Variants in IKZF1 observed in about 807,000 individuals in gnomAD.
The protein encoded by IKZF1 is DNA-binding protein Ikaros.
Under a neutral mutation model 51.7 loss-of-function variants are expected in IKZF1, and 10 were observed. That is an observed-to-expected ratio of 0.19 (90% CI 0.12 to 0.33). The LOEUF (loss-of-function observed/expected upper bound fraction) is 0.33. Ranked by LOEUF, IKZF1 falls within the 10% of genes least tolerant of loss-of-function variation. The pLI is 1.00. For missense variants in IKZF1, 484 were observed against 707.5 expected (o/e 0.68, Z 3.58); for synonymous variants, 280 against 282.3 (o/e 0.99, Z 0.08).
chr7:50,379,429 A>C (rs760100350), intron 4 of IKZF1, among the ~76,000 whole-genome samples: 28 of 152,166 alleles, frequency 1.8e-4, no homozygotes, highest in Admixed American at 5.2e-4. Context: ...GCCATTTTCT[A>C]ATCAGCTCAT....
At chr7:50,379,081 A>T (rs975636019) in intron 4 of IKZF1, among the ~76,000 whole-genome samples, 1 of 152,236 alleles carries the variant, frequency 6.6e-6, no homozygotes, top group African/African-American at 2.4e-5. Context: ...AAATCACCTG[A>T]GATCTCGTGA....
At chr7:50,361,590 A>G (rs775081425) in intron 3 of IKZF1, among the ~76,000 whole-genome samples, 2 of 152,154 alleles carry the variant, frequency 1.3e-5, no homozygotes. Context: ...TTTAAAAGCT[A>G]ATCCTGGCCA....
chr7:50,344,067 C>T (rs1799751930), intron 3 of IKZF1, among the ~76,000 whole-genome samples: 1 of 152,134 alleles, frequency 6.6e-6, no homozygotes, highest in Non-Finnish European at 1.5e-5. Context: ...AAGGTGAGCC[C>T]AGCTTGTTGT....
In IKZF1 at chr7:50,391,808, C is replaced by G; in HGVS notation, c.795C>G (p.Asp265Glu). 1 of 1,613,956 alleles carries G rather than the reference C, an allele frequency of 6.2e-7. No homozygotes were observed. Among genetic ancestry groups the G allele is most frequent in the Non-Finnish European group, 8.5e-7 (1 of 1,179,888 alleles). ...GATCAGAGAGATCTCTCGTGCTGGA[C>G]AGACTAGCAAGTAACGTCGCCAAAC... Reference protein sequence around the residue: ...KIGSERSLVLDRLASNVAKRK... With the variant: ...KIGSERSLVLERLASNVAKRK... The change falls in exon 7 of 8, where the codon GAC (aspartate) becomes GAG (glutamate). Residue 265 changes from aspartate to glutamate, a missense_variant. Transcript: ENST00000331340.
chr7:50,346,889 C>T (rs555051447), intron 3 of IKZF1, among the ~76,000 whole-genome samples: 57 of 152,296 alleles, frequency 3.7e-4, no homozygotes, highest in African/African-American at 1.3e-3. Flanking sequence ...GGAATAACAC[C>T]TTCCTTGCTC....
At chr7:50,396,518 A>G in intron 7 of IKZF1, among the ~76,000 whole-genome samples, 1 of 152,154 alleles carries the variant, frequency 6.6e-6, no homozygotes, top group East Asian at 1.9e-4. Flanking sequence ...TCTTGTTGGA[A>G]TTAACGATTT....
chr7:50,335,377 G>A (rs1797438768), intron 3 of IKZF1, among the ~76,000 whole-genome samples: 2 of 146,644 alleles, frequency 1.4e-5, no homozygotes, highest in African/African-American at 2.5e-5. Context: ...TGTGGTGTGT[G>A]GTGTGTATGT....
In IKZF1 at chr7:50,403,532, C is replaced by A. The variant is rs1332799085; in HGVS notation, c.*2905C>A. 1 of 229,594 alleles carries A rather than the reference C, an allele frequency of 4.4e-6. No homozygotes were observed. The highest frequency in any genetic ancestry group is 2.2e-5 in the African/African-American group (1 of 45,124). 14.2% of individuals were successfully genotyped at this position (229,594 alleles called of 1,614,324 possible). On this transcript the variant is annotated 3_prime_UTR_variant, in exon 8 of 8. Transcript: ENST00000331340. Reference sequence around the variant, plus strand: ...CGCCCCCTCCCTGACACCCCAGCTTCCCAGGATGTGGAAAGCCTGGATCTC... The same window carrying A: ...CGCCCCCTCCCTGACACCCCAGCTTACCAGGATGTGGAAAGCCTGGATCTC...
intron 3 of IKZF1, among the ~76,000 whole-genome samples, chr7:50,337,834 C>T (rs1464180964): frequency 1.3e-5 from 2 of 152,132 alleles, no homozygotes; most frequent in Admixed American, 6.5e-5. Context: ...GACTGTCCCT[C>T]CCATTGCAGG....
At chr7:50,372,244 A>G (rs1808906254) in intron 3 of IKZF1, among the ~76,000 whole-genome samples, 1 of 152,140 alleles carries the variant, frequency 6.6e-6, no homozygotes. Flanking sequence ...CCCACTTTGC[A>G]TTTTTCCGCA....
chr7:50,372,222 A>G (rs1808897859), intron 3 of IKZF1, among the ~76,000 whole-genome samples: 1 of 152,170 alleles, frequency 6.6e-6, no homozygotes, highest in Non-Finnish European at 1.5e-5. Flanking sequence ...GATCTTGTCT[A>G]TGTAACCAGC....
At chr7:50,374,972 G>T (rs1009653477) in intron 3 of IKZF1, among the ~76,000 whole-genome samples, 1 of 151,940 alleles carries the variant, frequency 6.6e-6, no homozygotes, top group African/African-American at 2.4e-5. Flanking sequence ...TCTTCTGGAG[G>T]GTATGTTAAA....
chr7:50,400,639 G>T lies in IKZF1; in HGVS notation c.*12G>T, dbSNP rs760005950. Reference sequence around the variant, plus strand: ...TCCACATGAGCTAAAGCCCTCCCGCGCCCCCACCCCAGACCCCGAGCCACC... The same window carrying T: ...TCCACATGAGCTAAAGCCCTCCCGCTCCCCCACCCCAGACCCCGAGCCACC... On this transcript the variant is annotated 3_prime_UTR_variant, in exon 8 of 8. Transcript: ENST00000331340. The surrounding 1 kb of genome is among the most constrained non-coding windows in gnomAD (Gnocchi z 5.4). 2 of 1,598,242 alleles carry T rather than the reference G, an allele frequency of 1.3e-6. No individual in the cohort carries two copies. The highest frequency in any genetic ancestry group is 1.7e-5 in the Admixed American group (1 of 59,072).
At chr7:50,334,566 G>T (rs2153401640) in intron 3 of IKZF1, among the ~76,000 whole-genome samples, 1 of 151,336 alleles carries the variant, frequency 6.6e-6, no homozygotes, top group African/African-American at 2.4e-5. Flanking sequence ...ATGTATATGG[G>T]GTGTGTATGT....
At position 50,376,510 on chromosome 7, in the gene IKZF1, G is replaced by T. The variant is rs1328958337; in HGVS notation, c.161-23G>T. On this transcript the variant is annotated intron_variant, in intron 3 of 7. Coordinates refer to ENST00000331340, the MANE Select transcript of IKZF1 (RefSeq NM_006060.6). This position sits in a 1 kb window ranked among gnomAD's most constrained non-coding sequence, Gnocchi z 4.5. ...TTTTTTTTTGCAATGACACTGAGTGGCCTCCTGTATTGTTTCTTTCAGCCA... is the reference window on the plus strand; with the variant it reads ...TTTTTTTTTGCAATGACACTGAGTGTCCTCCTGTATTGTTTCTTTCAGCCA... The T allele has an allele frequency of 1.9e-6, 3 of 1,608,724 alleles. No individual in the cohort carries two copies. Among genetic ancestry groups the T allele is most frequent in the Non-Finnish European group, 2.5e-6 (3 of 1,176,480 alleles).
At chr7:50,346,264 T>C (rs887858617) in intron 3 of IKZF1, among the ~76,000 whole-genome samples, 1 of 152,198 alleles carries the variant, frequency 6.6e-6, no homozygotes, top group Admixed American at 6.5e-5. Context: ...GCATAAGTTC[T>C]TCCTAAGCAT....
At chr7:50,389,046 A>G (rs533596723) in intron 6 of IKZF1, among the ~76,000 whole-genome samples, 12 of 152,380 alleles carry the variant, frequency 7.9e-5, no homozygotes, top group Admixed American at 5.9e-4. Context: ...TTTCATTACT[A>G]AAGAAACAAG....
chr7:50,400,334 C>T lies in IKZF1; in HGVS notation c.1267C>T (p.Arg423Cys), dbSNP rs757907717. ...GACCAACCACATCGCCCCGCACGCG[C>T]GCAACGGGCTGTCGCTCAAGGAGGA... The part of the protein sequence containing the change: ...YLTNHIAPHA[R>C]NGLSLKEEHR... Residue 423 changes from arginine (R) to cysteine (C), a missense_variant, in exon 8 of 8, where the codon CGC (arginine) becomes TGC (cysteine). Physicochemically the swap from Arg to Cys is radical, Grantham distance 180. Around this residue, in one of 6 missense-constraint regions of IKZF1, gnomAD observed 72 missense variants for 67.5 expected, o/e 1.07. Coordinates refer to ENST00000331340, the MANE Select transcript of IKZF1 (RefSeq NM_006060.6). The surrounding 1 kb of genome is among the most constrained non-coding windows in gnomAD (Gnocchi z 5.4). 6.2e-6 allele frequency: 10 copies of T among 1,612,906 alleles called. No homozygotes were observed. Among genetic ancestry groups the T allele is most frequent in the Non-Finnish European group, 8.5e-6 (10 of 1,179,734 alleles).
rs1262982300 is a variant in IKZF1 at position 50,399,939 on chromosome 7, C to T, written c.872C>T (p.Thr291Met). The T allele has an allele frequency of 6.2e-7, 1 of 1,612,916 alleles. No homozygotes were observed. Residue 291 changes from threonine to methionine, a missense_variant, in exon 8 of 8, where the codon ACG (threonine) becomes ATG (methionine). Thr to Met is a moderately conservative substitution (Grantham distance 81). Coordinates refer to ENST00000331340, the MANE Select transcript of IKZF1 (RefSeq NM_006060.6). ...ACAGGGGACAAGGGCCTGTCCGACACGCCCTACGACAGCAGCGCCAGCTAC... is the reference window on the plus strand; with the variant it reads ...ACAGGGGACAAGGGCCTGTCCGACATGCCCTACGACAGCAGCGCCAGCTAC... The part of the protein sequence containing the change: ...KFLGDKGLSD[T>M]PYDSSASYEK...
Sources: gnomAD v4.1 joint callset for allele counts (sites outside exome capture counted in the v4.1 genomes callset) on GRCh38, gnomAD v4.1.1 for gene constraint, gnomAD v4.1.1 regional missense constraint, Gnocchi (gnomAD v3.1) non-coding constraint, MANE v1.5 for transcripts, NCBI Gene and HGNC (gene_info 2026-07-23, HGNC 2026-07-21) for gene names.